TNFRSF1B: variants seen among roughly 807,000 people sequenced by gnomAD.
TNFRSF1B encodes the protein TNF receptor superfamily member 1B, also known as tumor necrosis factor receptor superfamily member 1B.
Under a neutral mutation model 44.6 loss-of-function variants are expected in TNFRSF1B, and 19 were observed. The observed-to-expected ratio is 0.43, with a 90% CI of 0.30 to 0.62. The LOEUF is 0.62. Ranked by LOEUF, TNFRSF1B falls within the 20% of genes least tolerant of loss-of-function variation. The probability of loss-of-function intolerance (pLI) is 0.16; values close to 1 mark genes in which losing one functional copy is unlikely to be tolerated. For missense variants in TNFRSF1B, 541 were observed against 619.9 expected (o/e 0.87, Z 1.35); for synonymous variants, 252 against 261.1 (o/e 0.97, Z 0.34).
At chr1:12,193,362 G>C (rs1175044002) in intron 6 of TNFRSF1B, among the ~76,000 whole-genome samples, 1 of 152,202 alleles carries the variant, frequency 6.6e-6, no homozygotes, top group Non-Finnish European at 1.5e-5. Flanking sequence ...GATTGCTTGA[G>C]GCTAAGAGTT....
At chr1:12,205,562 G>C (rs1639484477) in intron 9 of TNFRSF1B, among the ~76,000 whole-genome samples, 1 of 152,162 alleles carries the variant, frequency 6.6e-6, no homozygotes, top group Admixed American at 6.5e-5. Flanking sequence ...GGAGTGAGGG[G>C]AGGCTTCCAT....
chr1:12,191,173 T>C, intron 3 of TNFRSF1B, 88 bp downstream of exon 3: 1 of 1,538,608 alleles, frequency 6.5e-7, no homozygotes, highest in Non-Finnish European at 8.8e-7. Context: ...TCCAGCTGTC[T>C]GGAGTTACCC....
chr1:12,205,783 G>A (rs1252600853), intron 9 of TNFRSF1B, among the ~76,000 whole-genome samples: 4 of 150,784 alleles, frequency 2.7e-5, no homozygotes, highest in Admixed American at 1.3e-4. Context: ...CACCATACCC[G>A]GCTAATTTTT....
intron 8 of TNFRSF1B, among the ~76,000 whole-genome samples, chr1:12,201,648 T>C (rs1015088403): frequency 6.6e-6 from 1 of 152,158 alleles, no homozygotes; most frequent in African/African-American, 2.4e-5. Flanking sequence ...GCTTTCCTTC[T>C]ACTCCCTTAT....
At chr1:12,198,686 A>ATTTTTTTTTTTT in intron 8 of TNFRSF1B, among the ~76,000 whole-genome samples, 2 of 53,472 alleles carry the variant, frequency 3.7e-5, no homozygotes, top group Admixed American at 2.1e-4. Flanking sequence ...GCTGGCTGGA[A>ATTTTTTTTTTTT]TTCTGTTTTT....
chr1:12,184,648 G>A (rs540043163), intron 1 of TNFRSF1B, among the ~76,000 whole-genome samples: 2 of 152,180 alleles, frequency 1.3e-5, no homozygotes, highest in African/African-American at 2.4e-5. Context: ...AGGAGCCCTC[G>A]TCCATTGCGG....
chr1:12,194,459 A>C, intron 7 of TNFRSF1B, 125 bp from the exon 8 acceptor site: 3 of 930,474 alleles, frequency 3.2e-6, no homozygotes, highest in Non-Finnish European at 5.1e-6. Flanking sequence ...CTTGTCTGGT[A>C]GGCGATTGGT....
rs1287783512 is a variant in TNFRSF1B, at chr1:12,171,130, G to A, written c.78+3961G>A. 1.3e-5 allele frequency among the ~76,000 whole-genome samples: 2 copies of A among 151,040 alleles called. No homozygotes were observed. The highest frequency in any genetic ancestry group is 6.6e-5 in the Admixed American group (1 of 15,178). ...CAATTTTCCCACCTCAGCCTCCCAA[G>A]TAGCTGGGATTACAGGTGTGTGCCA... is the stretch of plus-strand genomic sequence containing the variant. On this transcript the variant is annotated intron_variant, in intron 1 of 9. Transcript: ENST00000376259. The surrounding 1 kb of genome is among the most constrained non-coding windows in gnomAD (Gnocchi z 4.5).
chr1:12,193,218 C>A, intron 6 of TNFRSF1B, 120 bp downstream of exon 6: 1 of 905,916 alleles, frequency 1.1e-6, no homozygotes. Context: ...GTGCCCTGTC[C>A]TGGGATACAG....
intron 3 of TNFRSF1B, 138 bp downstream of exon 3, chr1:12,191,223 C>T (rs1639114578): frequency 8.4e-7 from 1 of 1,185,054 alleles, no homozygotes; most frequent in Non-Finnish European, 1.2e-6. Flanking sequence ...CAGCTGTTTA[C>T]CCCTACCACT....
intron 3 of TNFRSF1B, 48 bp from the exon 4 acceptor site, chr1:12,191,726 G>T (rs1459064032): frequency 1.2e-6 from 2 of 1,610,196 alleles, no homozygotes; most frequent in Admixed American, 1.7e-5. Flanking sequence ...GGCAGCGTGG[G>T]TGTGGCGGAG....
rs1353363154 is a variant in TNFRSF1B at position 12,168,134 on chromosome 1, A to G, written c.78+965A>G. Among the ~76,000 whole-genome samples the G allele has an allele frequency of 1.3e-5, 2 of 152,192 alleles. No individual in the cohort carries two copies. The highest frequency in any genetic ancestry group is 4.8e-5 in the African/African-American group (2 of 41,434). On this transcript the variant is annotated intron_variant, in intron 1 of 9. Coordinates refer to ENST00000376259, the MANE Select transcript of TNFRSF1B (RefSeq NM_001066.3). This position sits in a 1 kb window ranked among gnomAD's most constrained non-coding sequence, Gnocchi z 4.7. ...GGTCTGGGGGGAACTCTTCCTCCAAAGGGGGCCTCTCCTGCCTTCGGCCCC... is the reference window on the plus strand; with the variant it reads ...GGTCTGGGGGGAACTCTTCCTCCAAGGGGGGCCTCTCCTGCCTTCGGCCCC...
In TNFRSF1B at chr1:12,186,451, C is replaced by T. The variant is rs985904944; in HGVS notation, c.79-2345C>T. 3.9e-5 allele frequency among the ~76,000 whole-genome samples: 6 copies of T among 152,216 alleles called. No homozygotes were observed. The highest frequency in any genetic ancestry group is 1.4e-4 in the African/African-American group (6 of 41,444). ...GTGTCTGCTCTGACTGGCTTGCTGACAGCTGAAGTCCAGGATAGGTCCATG... is the reference window on the plus strand; with the variant it reads ...GTGTCTGCTCTGACTGGCTTGCTGATAGCTGAAGTCCAGGATAGGTCCATG... On this transcript the variant is annotated intron_variant, in intron 1 of 9. Coordinates refer to ENST00000376259, the MANE Select transcript of TNFRSF1B (RefSeq NM_001066.3). The surrounding 1 kb of genome is among the most constrained non-coding windows in gnomAD (Gnocchi z 4.8).
chr1:12,207,365 TTGTTTG>T lies in TNFRSF1B; in HGVS notation c.*347_*352del. Reference sequence around the variant, plus strand: ...CTTCTGGAGCCCTTGGGTTTTTTGTTTGTTTGTTTGTTTGTTTGTTTGTTTCTCCCC... The same window carrying T: ...CTTCTGGAGCCCTTGGGTTTTTTGTTTTTGTTTGTTTGTTTGTTTCTCCCC... On this transcript the variant is annotated 3_prime_UTR_variant, in exon 10 of 10. Transcript: ENST00000376259. The T allele has an allele frequency of 4.0e-6, 1 of 249,942 alleles. No individual in the cohort carries two copies. Among genetic ancestry groups the T allele is most frequent in the Non-Finnish European group, 7.6e-6 (1 of 131,586 alleles). 15.5% of individuals were successfully genotyped at this position (249,942 alleles called of 1,614,324 possible). A position where few individuals can be genotyped will look rare whatever the true frequency, so the allele number is the denominator to read the frequency against.
At chr1:12,183,702 ATCTATCTAT>A (rs1557628923) in intron 1 of TNFRSF1B, among the ~76,000 whole-genome samples, 4 of 125,884 alleles carry the variant, frequency 3.2e-5, no homozygotes, top group South Asian at 2.7e-4. Flanking sequence ...CTATCTATCT[ATCTATCTAT>A]TCTATCTACC....
At chr1:12,191,549 A>G (rs1209660161) in intron 3 of TNFRSF1B, among the ~76,000 whole-genome samples, 3 of 150,798 alleles carry the variant, frequency 2.0e-5, no homozygotes, top group Admixed American at 6.6e-5. Flanking sequence ...GGGGACGAGC[A>G]GGACTGCGGA....
intron 1 of TNFRSF1B, among the ~76,000 whole-genome samples, chr1:12,167,945 G>A (rs974136699): frequency 1.3e-5 from 2 of 152,228 alleles, no homozygotes; most frequent in Admixed American, 6.5e-5. Context: ...AGCAACGGGC[G>A]TACAAGGGAC....
intron 1 of TNFRSF1B, among the ~76,000 whole-genome samples, chr1:12,184,358 T>A (rs1036865103): frequency 1.3e-5 from 2 of 152,076 alleles, no homozygotes; most frequent in Non-Finnish European, 2.9e-5. Context: ...TTTTTTTTTT[T>A]TTCTGTCCAA....
rs3766725 is a variant in TNFRSF1B, at chr1:12,185,179, G to A, written c.79-3617G>A. Among the ~76,000 whole-genome samples the A allele has an allele frequency of 3.3e-5, 5 of 152,338 alleles. No individual in the cohort carries two copies. In the East Asian group the frequency reaches 9.6e-4, roughly 29 times the overall value. On this transcript the variant is annotated intron_variant, in intron 1 of 9. Coordinates refer to ENST00000376259, the MANE Select transcript of TNFRSF1B (RefSeq NM_001066.3). ...TGGGTTAGGGGCTCCCACAGCCTTT[G>A]GATGCCGGGTCTCGGCCATGAGCCC... is the stretch of plus-strand genomic sequence containing the variant.
Sources: allele counts gnomAD v4.1 joint callset (sites outside exome capture counted in the v4.1 genomes callset), GRCh38; gene constraint gnomAD v4.1.1; non-coding constraint Gnocchi (gnomAD v3.1); transcripts MANE v1.5; gene names NCBI Gene and HGNC (gene_info 2026-07-23, HGNC 2026-07-21).